Variants in PHF19 observed in about 807,000 individuals in gnomAD.
The protein encoded by PHF19 is PHD finger protein 19.
PHF19 carries 21 observed loss-of-function variants against 79.8 expected under a neutral mutation model. The ratio of observed to expected loss-of-function variants is 0.26; its 90% CI spans 0.19 to 0.38. PHF19 has a LOEUF of 0.38. PHF19 is among the 10% of genes least tolerant of loss of function. The probability of loss-of-function intolerance (pLI) is 1.00; values close to 1 mark genes in which losing one functional copy is unlikely to be tolerated. For synonymous variants in PHF19, 273 were observed against 296.3 expected (o/e 0.92, Z 0.81); for missense variants, 445 against 744.2 (o/e 0.60, Z 4.68).
At chr9:120,885,826 T>G (rs182953324) in intron 1 of PHF19, among the ~76,000 whole-genome samples, 43 of 152,340 alleles carry the variant, frequency 2.8e-4, no homozygotes, top group African/African-American at 1.0e-3. Flanking sequence ...GACCTTCTTA[T>G]GAGTTTCAGA....
At chr9:120,881,146 T>TGTAA (rs2046175155), upstream of PHF19, among the ~76,000 whole-genome samples, 3 of 143,914 alleles carry the variant, frequency 2.1e-5, no homozygotes, top group African/African-American at 7.7e-5. Context: ...ACATCGGGGG[T>TGTAA]TTGTTTTTTT....
Position 120,862,599 on chromosome 9 carries a change from C to G in PHF19, c.1119G>C (p.Lys373Asn). 6.2e-7 allele frequency: 1 copy of G among 1,613,656 alleles called. No homozygotes were observed. The highest frequency in any genetic ancestry group is 8.5e-7 in the Non-Finnish European group (1 of 1,179,956). Residue 373 changes from lysine (K) to asparagine (N), a missense_variant, in exon 11 of 15, where the codon AAG (lysine) becomes AAC (asparagine). Physicochemically the swap from Lys to Asn is moderately conservative, Grantham distance 94 (BLOSUM62 0). Around this residue, in one of 5 missense-constraint regions of PHF19, gnomAD observed 83 missense variants for 85.5 expected, o/e 0.97. Coordinates refer to ENST00000373896, the MANE Select transcript of PHF19 (RefSeq NM_015651.3). This position sits in a 1 kb window ranked among gnomAD's most constrained non-coding sequence, Gnocchi z 4.6. ...SASSELRKRGKSKPGLLPHEF... is the reference protein window; with the variant it reads ...SASSELRKRGNSKPGLLPHEF... ...CCCCGAGCACTGACCCAGGCTTGCT[C>G]TTTCCTCTCTTACGCAGCTCAGAGG...
At chr9:120,861,840 TTA>T in intron 12 of PHF19, 76 bp downstream of exon 12, 3 of 986,726 alleles carry the variant, frequency 3.0e-6, no homozygotes, top group South Asian at 1.3e-5. Context: ...CCTGGGGGAC[TTA>T]GTTTTCGGCA....
Position 120,860,112 on chromosome 9 carries a change from T to C in PHF19, c.1378A>G (p.Thr460Ala). 1 of 1,590,280 alleles carries C rather than the reference T, an allele frequency of 6.3e-7. No homozygotes were observed. Among genetic ancestry groups the C allele is most frequent in the Non-Finnish European group, 8.6e-7 (1 of 1,167,180 alleles). Residue 460 changes from threonine to alanine, a missense_variant, in exon 14 of 15, where the codon ACC becomes GCC. Coordinates refer to ENST00000373896, the MANE Select transcript of PHF19 (RefSeq NM_015651.3). This position sits in a 1 kb window ranked among gnomAD's most constrained non-coding sequence, Gnocchi z 4.1. ...CACCTGGAGTCATAGGAGAGGCTGG[T>C]GGAGGCAGAGCCAGAGGTGCTGGCA... ...DAASTSGSAS[T>A]SLSYDSRWTV...
Position 120,891,740 on chromosome 9 carries a change from A to G in PHF19, c.42+3048T>C, listed in dbSNP as rs941110862. Among the ~76,000 whole-genome samples the G allele has an allele frequency of 5.9e-5, 9 of 152,120 alleles. No individual in the cohort carries two copies. Among genetic ancestry groups the G allele is most frequent in the Non-Finnish European group, 1.3e-4 (9 of 68,012 alleles). ...GCATTGAGCAGCTGTATAGTCCCCCACAGGCCCCACCCAGTCTTCCGTGCT... is the reference window on the plus strand; with the variant it reads ...GCATTGAGCAGCTGTATAGTCCCCCGCAGGCCCCACCCAGTCTTCCGTGCT... On this transcript the variant is annotated intron_variant, in intron 1 of 14. Coordinates refer to the PHF19 transcript ENST00000616568. The surrounding 1 kb of genome is among the most constrained non-coding windows in gnomAD (Gnocchi z 4.3).
At chr9:120,883,483 G>A (rs906788974) in intron 1 of PHF19, among the ~76,000 whole-genome samples, 6 of 152,218 alleles carry the variant, frequency 3.9e-5, no homozygotes, top group Admixed American at 1.3e-4. Flanking sequence ...GTCCAGCCGG[G>A]CACGGTGGCT....
chr9:120,869,504 T>A lies in PHF19; in HGVS notation c.466-174A>T. 1.5e-6 allele frequency: 2 copies of A among 1,358,776 alleles called. No individual in the cohort carries two copies. Among genetic ancestry groups the A allele is most frequent in the East Asian group, 5.0e-5 (2 of 39,758 alleles). 84.2% of individuals were successfully genotyped at this position (1,358,776 alleles called of 1,614,324 possible). On this transcript the variant is annotated intron_variant, in intron 5 of 14. Transcript: ENST00000373896. The surrounding 1 kb of genome is among the most constrained non-coding windows in gnomAD (Gnocchi z 5.8). ...ATTAATTCCAAACCCATCCCCTCTA[T>A]CCCAGAAGGAACTCCGTTGATAACA...
At chr9:120,896,041 C>T (rs1468419354), upstream of PHF19, among the ~76,000 whole-genome samples, 4 of 152,170 alleles carry the variant, frequency 2.6e-5, no homozygotes, top group African/African-American at 7.2e-5. Flanking sequence ...CTTTGCTGCT[C>T]CTCACTAGCC....
At chr9:120,872,391 G>C (rs1056480840) in intron 3 of PHF19, among the ~76,000 whole-genome samples, 5 of 152,248 alleles carry the variant, frequency 3.3e-5, no homozygotes, top group African/African-American at 1.2e-4. Flanking sequence ...TACCTCCAAG[G>C]AGCCTGGTAT....
Position 120,877,120 on chromosome 9 carries a change from T to G in PHF19, c.-45A>C. ...AGGCTGCGTGTCCGCCGGTCCCACTTGGAGTCTGGCCACCAGGCGCATCGG... is the reference window on the plus strand; with the variant it reads ...AGGCTGCGTGTCCGCCGGTCCCACTGGGAGTCTGGCCACCAGGCGCATCGG... On this transcript the variant is annotated 5_prime_UTR_variant, in exon 1 of 15. Transcript: ENST00000373896. 1 of 984,534 alleles carries G rather than the reference T, an allele frequency of 1.0e-6. No homozygotes were observed. Among genetic ancestry groups the G allele is most frequent in the Non-Finnish European group, 1.2e-6 (1 of 829,706 alleles). 61.0% of individuals were successfully genotyped at this position (984,534 alleles called of 1,614,324 possible).
In PHF19 at chr9:120,860,996, C is replaced by A; in HGVS notation, c.1304+93G>T. On this transcript the variant is annotated intron_variant, in intron 13 of 14. Coordinates refer to ENST00000373896, the MANE Select transcript of PHF19 (RefSeq NM_015651.3). The surrounding 1 kb of genome is among the most constrained non-coding windows in gnomAD (Gnocchi z 4.1). ...AAAAGCCCCTTCAGACAGACCTGCA[C>A]AGCAGGGATCCTTTTAACTGAGGGC... The A allele has an allele frequency of 1.3e-6, 1 of 799,476 alleles. No homozygotes were observed. Among genetic ancestry groups the A allele is most frequent in the Non-Finnish European group, 2.2e-6 (1 of 445,548 alleles). The allele number at this position is 799,476 out of a possible 1,614,324, so 49.5% of individuals were successfully genotyped here.
At chr9:120,867,698 C>G (rs2045744720) in intron 6 of PHF19, among the ~76,000 whole-genome samples, 4 of 152,230 alleles carry the variant, frequency 2.6e-5, no homozygotes, top group African/African-American at 9.6e-5. Context: ...TCTGACAATA[C>G]TTGGGGAAGC....
rs762308603 is a variant in PHF19, at chr9:120,865,740, G to A, written c.870C>T (p.Asn290=). The A allele has an allele frequency of 7.4e-6, 12 of 1,614,066 alleles. No individual in the cohort carries two copies. The change falls in exon 9 of 15, where the codon AAC becomes AAT. Residue 290 remains asparagine, a synonymous_variant. Transcript: ENST00000373896. ...FDFEEILAFV[N]HHWELLQLGK... Reference sequence around the variant, plus strand: ...CAAGCTGCAGGAGCTCCCAGTGGTGGTTGACAAAGGCCAGAATCTCCTCAA... The same window carrying A: ...CAAGCTGCAGGAGCTCCCAGTGGTGATTGACAAAGGCCAGAATCTCCTCAA...
chr9:120,872,694 T>C (rs1430648316), intron 3 of PHF19, among the ~76,000 whole-genome samples: 2 of 151,238 alleles, frequency 1.3e-5, no homozygotes, highest in African/African-American at 4.9e-5. Context: ...CTTTTCTTTT[T>C]TTTTTTTTTG....
rs1195985721 is a variant in PHF19, at chr9:120,861,157, G to C, written c.1236C>G (p.Ala412=). 6.2e-7 allele frequency: 1 copy of C among 1,604,020 alleles called. No homozygotes were observed. Among genetic ancestry groups the C allele is most frequent in the South Asian group, 1.1e-5 (1 of 90,830 alleles). The change falls in exon 13 of 15, where the codon GCC becomes GCG. Residue 412 remains alanine, a synonymous_variant. Coordinates refer to ENST00000373896, the MANE Select transcript of PHF19 (RefSeq NM_015651.3). ...TAGCCAGGTGGTGGTTGGTGCTCCA[G>C]GCTGAGGTGAAGTCACTCTGTGGAC... ...DAIPSSDFTS[A]WSTNHHLASI...
chr9:120,900,975 A>G, the PHF19 span, among the ~76,000 whole-genome samples: 2 of 152,198 alleles, frequency 1.3e-5, no homozygotes, highest in Non-Finnish European at 2.9e-5. Flanking sequence ...GCCTGTGGAC[A>G]CCCGTGAGGT....
upstream of PHF19, among the ~76,000 whole-genome samples, chr9:120,878,161 G>A (rs2046119356): frequency 6.6e-6 from 1 of 152,164 alleles, no homozygotes; most frequent in African/African-American, 2.4e-5. Flanking sequence ...AACAAATTGC[G>A]TAGAGACACA....
At chr9:120,899,237 A>C (rs1346305608), upstream of PHF19, among the ~76,000 whole-genome samples, 1 of 131,638 alleles carries the variant, frequency 7.6e-6, no homozygotes, top group East Asian at 2.3e-4. Flanking sequence ...AGTGGCTCAC[A>C]CCTGTAATCC....
In PHF19 at chr9:120,858,280, T is replaced by C; in HGVS notation, c.1407A>G (p.Thr469=). 6.5e-7 allele frequency: 1 copy of C among 1,528,596 alleles called. No individual in the cohort carries two copies. The highest frequency in any genetic ancestry group is 8.8e-7 in the Non-Finnish European group (1 of 1,135,152). The allele number at this position is 1,528,596 out of a possible 1,614,324, so 94.7% of individuals were successfully genotyped here. A position where few individuals can be genotyped will look rare whatever the true frequency, so the allele number is the denominator to read the frequency against. ...CCAGCTTCCTCTTTCGGCTGCCCAC[T>C]GTCCATCTGTATCAGAAGTGGGAGA... The part of the protein sequence containing the change: ...STSLSYDSRW[T]VGSRKRKLAA... The change falls in exon 15 of 15, where the codon ACA becomes ACG. Residue 469 remains threonine (T), a synonymous_variant. Transcript: ENST00000373896.
Sources: allele counts gnomAD v4.1 joint callset (sites outside exome capture counted in the v4.1 genomes callset), GRCh38; gene constraint gnomAD v4.1.1; regional missense constraint gnomAD v4.1.1; non-coding constraint Gnocchi (gnomAD v3.1); transcripts MANE v1.5; gene names NCBI Gene and HGNC (gene_info 2026-07-23, HGNC 2026-07-21).